Variants in EFHD1 observed in about 807,000 individuals in gnomAD.
EFHD1 encodes the protein EF-hand domain family member D1, also known as EF-hand domain-containing protein D1.
Under a neutral mutation model 17.2 loss-of-function variants are expected in EFHD1, and 10 were observed. That is an observed-to-expected ratio of 0.58 (90% CI 0.36 to 0.99). The LOEUF (loss-of-function observed/expected upper bound fraction) is 0.99. Among genes scored for constraint, EFHD1 ranks in the 50% least tolerant of loss-of-function variants. EFHD1 has a pLI of 0.01. For synonymous variants in EFHD1, 153 were observed against 142.0 expected (o/e 1.08, Z -0.55); for missense variants, 310 against 327.5 (o/e 0.95, Z 0.41).
upstream of EFHD1, among the ~76,000 whole-genome samples, chr2:232,632,314 C>T (rs1185484515): frequency 6.6e-6 from 1 of 152,154 alleles, no homozygotes; most frequent in Non-Finnish European, 1.5e-5. Context: ...AACATTTTAA[C>T]CCAGGTCCCC....
chr2:232,633,996 A>G lies in EFHD1; in HGVS notation c.292A>G (p.Met98Val), dbSNP rs1694263212. The G allele has an allele frequency of 3.1e-6, 5 of 1,597,106 alleles. No homozygotes were observed. Among genetic ancestry groups the G allele is most frequent in the Non-Finnish European group, 3.4e-6 (4 of 1,179,028 alleles). Residue 98 changes from methionine (M) to valine (V), a missense_variant, in exon 1 of 4, where the codon ATG (methionine) becomes GTG (valine). Transcript: ENST00000264059. ...CCGCCTCATCAAGGACCTGGAGAGC[A>G]TGTTCAAACTGTGAGCTCCCGCTGC... is the stretch of plus-strand genomic sequence containing the variant. Reference protein sequence around the residue: ...SRRLIKDLESMFKLYDAGRDG... With the variant: ...SRRLIKDLESVFKLYDAGRDG...
At chr2:232,655,175 C>T (rs112414408) in intron 1 of EFHD1, among the ~76,000 whole-genome samples, 20 of 152,330 alleles carry the variant, frequency 1.3e-4, no homozygotes, top group African/African-American at 4.8e-4. Context: ...GCACTGAAGG[C>T]ACCTTAGTGG....
At chr2:232,667,443 T>G (rs1188847011) in intron 2 of EFHD1, among the ~76,000 whole-genome samples, 1 of 152,188 alleles carries the variant, frequency 6.6e-6, no homozygotes, top group East Asian at 1.9e-4. Context: ...CCTCCAGTCC[T>G]AAGAGCTTTG....
At chr2:232,608,014 T>C in intron 1 of EFHD1, among the ~76,000 whole-genome samples, 1 of 151,898 alleles carries the variant, frequency 6.6e-6, no homozygotes, top group East Asian at 1.9e-4. Flanking sequence ...CAGTCCTCAG[T>C]ATCTGAGGAG....
At chr2:232,673,856 A>G (rs1445605717) in intron 3 of EFHD1, among the ~76,000 whole-genome samples, 1 of 150,606 alleles carries the variant, frequency 6.6e-6, no homozygotes, top group Non-Finnish European at 1.5e-5. Flanking sequence ...GAAACTAACT[A>G]TGCACATTTT....
At chr2:232,643,130 G>A (rs1331627348) in intron 1 of EFHD1, among the ~76,000 whole-genome samples, 2 of 151,964 alleles carry the variant, frequency 1.3e-5, no homozygotes, top group Non-Finnish European at 2.9e-5. Context: ...AAATCCAGAG[G>A]CAGGAAAGAC....
intron 3 of EFHD1, among the ~76,000 whole-genome samples, chr2:232,675,266 A>AAAAGAAAAG (rs1553601702): frequency 1.3e-4 from 18 of 143,584 alleles, no homozygotes; most frequent in Admixed American, 3.5e-4. Context: ...AAAAGAAAAG[A>AAAAGAAAAG]AAAGAAAGAA....
At chr2:232,633,386 C>A, upstream of EFHD1, 1 of 1,067,156 alleles carries the variant, frequency 9.4e-7, no homozygotes, top group Non-Finnish European at 1.2e-6. Context: ...CCTGCCTGGT[C>A]CCGGGGGGAC....
intron 1 of EFHD1, among the ~76,000 whole-genome samples, chr2:232,623,692 AAAGAAGAAG>A (rs764686769): frequency 0.02 from 2,012 of 100,922 alleles, 127 homozygotes; most frequent in Middle Eastern, 0.043. Flanking sequence ...AAAAAAAAAA[AAAGAAGAAG>A]AAGAAGAAGA....
chr2:232,636,640 G>A (rs1176515967), intron 1 of EFHD1, among the ~76,000 whole-genome samples: 7 of 151,882 alleles, frequency 4.6e-5, no homozygotes, highest in South Asian at 2.1e-4. Flanking sequence ...CCTGATCAAC[G>A]TGGTGAAACC....
intron 1 of EFHD1, among the ~76,000 whole-genome samples, chr2:232,628,163 T>C (rs1694142225): frequency 6.6e-6 from 1 of 152,124 alleles, no homozygotes; most frequent in African/African-American, 2.4e-5. Flanking sequence ...CAGGTTCAAG[T>C]GATTCTCCTG....
chr2:232,634,538 C>G (rs890114479), intron 1 of EFHD1, among the ~76,000 whole-genome samples: 4 of 152,204 alleles, frequency 2.6e-5, no homozygotes, highest in African/African-American at 9.6e-5. Flanking sequence ...TCAGGACTTT[C>G]CTGGAGCAGG....
chr2:232,635,339 G>A (rs1057105639), intron 1 of EFHD1, among the ~76,000 whole-genome samples: 1 of 152,104 alleles, frequency 6.6e-6, no homozygotes, highest in Admixed American at 6.5e-5. Context: ...ATCTTGGGGA[G>A]GGACCTTTAT....
At chr2:232,606,574 T>G (rs1422473342) in intron 1 of EFHD1, 2 of 268,114 alleles carry the variant, frequency 7.5e-6, no homozygotes, top group Non-Finnish European at 1.5e-5. Flanking sequence ...GTTCCTCACC[T>G]GCACCGACCC....
chr2:232,631,387 A>T (rs1470595865), upstream of EFHD1, among the ~76,000 whole-genome samples: 1 of 150,930 alleles, frequency 6.6e-6, no homozygotes, highest in Non-Finnish European at 1.5e-5. Context: ...TGCAGCCTCC[A>T]CCTCCCGGGC....
At chr2:232,664,514 G>A (rs1334014743) in intron 2 of EFHD1, among the ~76,000 whole-genome samples, 3 of 151,572 alleles carry the variant, frequency 2.0e-5, no homozygotes, top group Non-Finnish European at 4.4e-5. Context: ...GCCCAGGCTG[G>A]TCTCAAACTC....
rs1396747393 is a variant in EFHD1 at position 232,633,838 on chromosome 2, G to T, written c.134G>T (p.Arg45Leu). The T allele has an allele frequency of 1.2e-5, 18 of 1,484,750 alleles. No homozygotes were observed. Among genetic ancestry groups the T allele is most frequent in the African/African-American group, 2.9e-5 (2 of 68,204 alleles). The allele number at this position is 1,484,750 out of a possible 1,614,324, so 92.0% of individuals were successfully genotyped here. Residue 45 changes from arginine to leucine, a missense_variant, in exon 1 of 4, where the codon CGT becomes CTT. Coordinates refer to ENST00000264059, the MANE Select transcript of EFHD1 (RefSeq NM_025202.4). ...EPKPEPEPPA[R>L]APTASADAEL... is the part of the protein sequence containing the mutation. Reference sequence around the variant, plus strand: ...AAGCCCGAGCCCGAGCCTCCCGCCCGTGCGCCCACGGCCAGCGCCGACGCG... The same window carrying T: ...AAGCCCGAGCCCGAGCCTCCCGCCCTTGCGCCCACGGCCAGCGCCGACGCG...
upstream of EFHD1, among the ~76,000 whole-genome samples, chr2:232,632,074 C>A (rs998254026): frequency 6.6e-6 from 1 of 151,846 alleles, no homozygotes; most frequent in Non-Finnish European, 1.5e-5. Context: ...GACCTTATTT[C>A]TCTGAAATGT....
intron 3 of EFHD1, among the ~76,000 whole-genome samples, chr2:232,675,441 C>A (rs984949494): frequency 6.6e-6 from 1 of 152,126 alleles, no homozygotes; most frequent in Non-Finnish European, 1.5e-5. Flanking sequence ...CTCTGGGCAC[C>A]TGGTTGGGAA....
Sources: gnomAD v4.1 joint callset for allele counts (sites outside exome capture counted in the v4.1 genomes callset) on GRCh38, gnomAD v4.1.1 for gene constraint, MANE v1.5 for transcripts, NCBI Gene and HGNC (gene_info 2026-07-23, HGNC 2026-07-21) for gene names.